SPON1: variants seen among roughly 807,000 people sequenced by gnomAD.
SPON1 encodes spondin 1.
In SPON1, 52 loss-of-function variants were observed where a neutral mutation model predicts 111.7. That is an observed-to-expected ratio of 0.47 (90% confidence interval 0.37 to 0.59). The LOEUF (loss-of-function observed/expected upper bound fraction) is 0.59, where lower values mean the gene tolerates loss of function less well. Among genes scored for constraint, SPON1 ranks in the 20% least tolerant of loss-of-function variants. The probability of loss-of-function intolerance (pLI) is 0.00; values close to 1 mark genes in which losing one functional copy is unlikely to be tolerated. For missense variants in SPON1, 957 were observed against 1,068.5 expected (o/e 0.90, Z 1.46); for synonymous variants, 410 against 395.8 (o/e 1.04, Z -0.43).
intron 6 of SPON1, among the ~76,000 whole-genome samples, chr11:14,144,723 A>C (rs1471174738): frequency 2.0e-5 from 3 of 151,996 alleles, no homozygotes; most frequent in Non-Finnish European, 4.4e-5. Context: ...TTGATTTCTA[A>C]AAGAGGAAAC....
chr11:14,018,829 G>A (rs1848461571), intron 2 of SPON1, among the ~76,000 whole-genome samples: 1 of 152,210 alleles, frequency 6.6e-6, no homozygotes, highest in Non-Finnish European at 1.5e-5. Context: ...AAGTTCAGTG[G>A]GCTGGAGGTT....
intron 6 of SPON1, among the ~76,000 whole-genome samples, chr11:14,222,044 G>C (rs1242490880): frequency 6.6e-6 from 1 of 152,168 alleles, no homozygotes; most frequent in African/African-American, 2.4e-5. Flanking sequence ...GGCACCATGA[G>C]ATATTTTATC....
intron 6 of SPON1, among the ~76,000 whole-genome samples, chr11:14,148,792 T>C (rs1318333269): frequency 6.6e-6 from 1 of 152,250 alleles, no homozygotes; most frequent in Non-Finnish European, 1.5e-5. Flanking sequence ...CTGAAACATT[T>C]ACTTTTCACC....
intron 15 of SPON1, 78 bp downstream of exon 15, chr11:14,263,053 TAAAAAA>T (rs34480564): frequency 1.3e-4 from 120 of 952,502 alleles, no homozygotes; most frequent in Non-Finnish European, 1.4e-4. Flanking sequence ...TGGACCTGTT[TAAAAAA>T]AAAAAAAAAA....
At chr11:14,123,225 C>T (rs1554926698) in intron 5 of SPON1, among the ~76,000 whole-genome samples, 2 of 152,094 alleles carry the variant, frequency 1.3e-5, no homozygotes, top group African/African-American at 4.8e-5. Context: ...GAGCACCATG[C>T]CCAGCCATGT....
chr11:14,122,287 C>T (rs1847399590), intron 5 of SPON1, among the ~76,000 whole-genome samples: 1 of 152,192 alleles, frequency 6.6e-6, no homozygotes, highest in Admixed American at 6.5e-5. Flanking sequence ...CATTCTCCTG[C>T]CTCAGCCGCC....
chr11:14,254,506 G>C, intron 7 of SPON1, 22 bp from the exon 8 acceptor site: 1 of 1,570,568 alleles, frequency 6.4e-7, no homozygotes, highest in Non-Finnish European at 8.6e-7. Flanking sequence ...CTAATATAAT[G>C]GTCTCTGTAT....
At chr11:14,057,428 A>C (rs1554919283) in intron 3 of SPON1, among the ~76,000 whole-genome samples, 1 of 152,232 alleles carries the variant, frequency 6.6e-6, no homozygotes, top group Non-Finnish European at 1.5e-5. Context: ...ATGAAATCTA[A>C]ATGCAACACT....
intron 1 of SPON1, among the ~76,000 whole-genome samples, chr11:13,979,080 A>G (rs1349583420): frequency 6.6e-6 from 1 of 152,120 alleles, no homozygotes; most frequent in Non-Finnish European, 1.5e-5. Flanking sequence ...ATTCTCTCAT[A>G]TTTCTGGAGG....
chr11:14,123,921 C>T (rs1232365380), intron 5 of SPON1, among the ~76,000 whole-genome samples: 8 of 152,324 alleles, frequency 5.3e-5, no homozygotes, highest in African/African-American at 1.9e-4. Flanking sequence ...CATCCGAAAA[C>T]TGGTGCTTAA....
rs1848782928 is a variant in SPON1, at chr11:14,060,443, T to C, written c.480-14902T>C. 2.0e-5 allele frequency among the ~76,000 whole-genome samples: 3 copies of C among 152,272 alleles called. 1 individual carries two copies. In the South Asian group the frequency reaches 6.2e-4, roughly 32 times the overall value. On this transcript the variant is annotated intron_variant, in intron 3 of 15. Coordinates refer to ENST00000576479, the MANE Select transcript of SPON1 (RefSeq NM_006108.4). ...GTTGGGCTCCTAATCCTGGACTACC[T>C]CTTAACAGCTGAACTTGAGCAAGGT...
intron 5 of SPON1, among the ~76,000 whole-genome samples, chr11:14,091,431 G>A (rs1367086098): frequency 6.6e-6 from 1 of 152,230 alleles, no homozygotes; most frequent in Non-Finnish European, 1.5e-5. Flanking sequence ...GAGTGGGTGG[G>A]AGGCTCAGGC....
chr11:14,027,137 G>A (rs10832165), intron 2 of SPON1, among the ~76,000 whole-genome samples: 45,539 of 152,044 alleles, frequency 0.3, 7,902 homozygotes, highest in South Asian at 0.51. Context: ...GGAGGCACTG[G>A]CGTTGTAAGA....
chr11:14,014,434 C>T (rs1431150922), intron 2 of SPON1, among the ~76,000 whole-genome samples: 1 of 152,182 alleles, frequency 6.6e-6, no homozygotes, highest in Non-Finnish European at 1.5e-5. Context: ...ACTGTTAGTG[C>T]ATCATTGATA....
intron 2 of SPON1, among the ~76,000 whole-genome samples, chr11:14,020,483 A>G (rs1848473024): frequency 6.6e-6 from 1 of 152,230 alleles, no homozygotes; most frequent in Non-Finnish European, 1.5e-5. Flanking sequence ...GTGCAAATTA[A>G]TCCAAAATTT....
chr11:14,215,840 T>C (rs990295159), intron 6 of SPON1, among the ~76,000 whole-genome samples: 1 of 152,212 alleles, frequency 6.6e-6, no homozygotes, highest in East Asian at 1.9e-4. Flanking sequence ...AAAGTTCCCA[T>C]ATCTGGATCC....
intron 7 of SPON1, among the ~76,000 whole-genome samples, chr11:14,253,482 T>C (rs944546938): frequency 6.6e-6 from 1 of 152,210 alleles, no homozygotes; most frequent in Non-Finnish European, 1.5e-5. Context: ...TAACAGGTGA[T>C]ACCAGAGCCC....
At chr11:14,073,824 C>T (rs1848896149) in intron 3 of SPON1, among the ~76,000 whole-genome samples, 1 of 152,184 alleles carries the variant, frequency 6.6e-6, no homozygotes, top group East Asian at 1.9e-4. Context: ...CCTCAGGCCC[C>T]TAAGCAGACC....
intron 6 of SPON1, among the ~76,000 whole-genome samples, chr11:14,173,236 A>G (rs1848129420): frequency 6.6e-6 from 1 of 151,818 alleles, no homozygotes; most frequent in South Asian, 2.1e-4. Context: ...ACTTCATTTC[A>G]TTCATTTCGT....
Sources: gnomAD v4.1 joint callset for allele counts (sites outside exome capture counted in the v4.1 genomes callset) on GRCh38, gnomAD v4.1.1 for gene constraint, MANE v1.5 for transcripts, NCBI Gene and HGNC (gene_info 2026-07-23, HGNC 2026-07-21) for gene names.